Variants in RBPJ observed in about 807,000 individuals in gnomAD.
RBPJ encodes the protein recombining binding protein suppressor of hairless.
Under a neutral mutation model 67.8 loss-of-function variants are expected in RBPJ, and 9 were observed. The observed-to-expected ratio is 0.13, with a 90% CI of 0.08 to 0.23. The LOEUF (loss-of-function observed/expected upper bound fraction) is 0.23. RBPJ is among the 10% of genes least tolerant of loss of function. RBPJ has a pLI of 1.00. For synonymous variants in RBPJ, 198 were observed against 203.3 expected (o/e 0.97, Z 0.22); for missense variants, 305 against 595.6 (o/e 0.51, Z 5.08).
intron 2 of RBPJ, among the ~76,000 whole-genome samples, chr4:26,386,943 T>G (rs1392634462): frequency 6.6e-6 from 1 of 152,152 alleles, no homozygotes; most frequent in African/African-American, 2.4e-5. Context: ...CTAGAGTCAG[T>G]GCAAACCTTG....
intron 2 of RBPJ, among the ~76,000 whole-genome samples, chr4:26,389,560 A>G (rs1731284263): frequency 7.5e-6 from 1 of 133,602 alleles, no homozygotes; most frequent in Non-Finnish European, 1.6e-5. Context: ...AAGCAGAAGG[A>G]TGATCATACT....
At chr4:26,269,533 G>A (rs1409550826) in intron 1 of RBPJ, among the ~76,000 whole-genome samples, 4 of 152,134 alleles carry the variant, frequency 2.6e-5, no homozygotes, top group Non-Finnish European at 4.4e-5. Flanking sequence ...TGGGATTAAA[G>A]GTGTGAGCCA....
In RBPJ at chr4:26,187,723, A is replaced by G. The variant is rs147892661; in HGVS notation, c.-167+24109A>G. 2.8e-3 allele frequency among the ~76,000 whole-genome samples: 428 copies of G among 152,264 alleles called. 1 individual carries two copies. The highest frequency in any genetic ancestry group is 1.0e-2 in the African/African-American group (414 of 41,544). Reference sequence around the variant, plus strand: ...GTGAACACTGAGAATTTTCCTTCCTATAAATTAGTAGATGGGGGCTGGGCA... The same window carrying G: ...GTGAACACTGAGAATTTTCCTTCCTGTAAATTAGTAGATGGGGGCTGGGCA... On this transcript the variant is annotated intron_variant, in intron 1 of 4. Transcript: ENST00000512351.
In RBPJ at chr4:26,309,714, G is replaced by A. The variant is rs552164035; in HGVS notation, c.-166-52732G>A. ...CTGCAATATATGATGCATGACAAAC[G>A]GGCAAAGTTTAGGAAATAAAAATTT... On this transcript the variant is annotated intron_variant, in intron 1 of 4. Transcript: ENST00000512351. Among the ~76,000 whole-genome samples, 15 of 152,124 alleles carry A rather than the reference G, an allele frequency of 9.9e-5. No individual in the cohort carries two copies. In the South Asian group the frequency reaches 2.3e-3, roughly 23 times the overall value.
At chr4:26,325,876 A>G (rs1723577547) in intron 1 of RBPJ, among the ~76,000 whole-genome samples, 2 of 152,206 alleles carry the variant, frequency 1.3e-5, no homozygotes, top group African/African-American at 4.8e-5. Flanking sequence ...GATCTACCAG[A>G]CTACAGTTGG....
intron 1 of RBPJ, among the ~76,000 whole-genome samples, chr4:26,251,321 C>T (rs1261971379): frequency 2.6e-5 from 4 of 152,056 alleles, no homozygotes; most frequent in African/African-American, 4.8e-5. Context: ...ACTGGACCAG[C>T]ACAGTAGCAA....
chr4:26,422,730 T>A (rs998248652), intron 5 of RBPJ, among the ~76,000 whole-genome samples: 4 of 152,210 alleles, frequency 2.6e-5, no homozygotes, highest in African/African-American at 4.8e-5. Flanking sequence ...AGTTGCACCA[T>A]ACAGTGAAAC....
At chr4:26,384,210 ATCT>A in intron 1 of RBPJ, among the ~76,000 whole-genome samples, 1 of 152,216 alleles carries the variant, frequency 6.6e-6, no homozygotes, top group Non-Finnish European at 1.5e-5. Flanking sequence ...CTAATTATAC[ATCT>A]TCTTTCAAAA....
chr4:26,313,602 G>A (rs371541598), intron 1 of RBPJ, among the ~76,000 whole-genome samples: 66 of 152,024 alleles, frequency 4.3e-4, no homozygotes, highest in African/African-American at 1.1e-3. Flanking sequence ...CCCAGGAGAC[G>A]GAACTTGCAG....
chr4:26,349,072 T>TTGTGTG (rs752007042), intron 1 of RBPJ, among the ~76,000 whole-genome samples: 2 of 136,758 alleles, frequency 1.5e-5, no homozygotes, highest in African/African-American at 5.2e-5. Flanking sequence ...CATCACAAGT[T>TTGTGTG]TGTGTGTGTG....
chr4:26,290,989 A>T (rs1405166496), intron 1 of RBPJ, among the ~76,000 whole-genome samples: 1 of 151,088 alleles, frequency 6.6e-6, no homozygotes, highest in Admixed American at 6.6e-5. Flanking sequence ...ATTCCCCTTG[A>T]ATGCTGTTTA....
chr4:26,393,856 T>C (rs2109676355), intron 2 of RBPJ, among the ~76,000 whole-genome samples: 1 of 152,260 alleles, frequency 6.6e-6, no homozygotes, highest in South Asian at 2.1e-4. Flanking sequence ...AAAAAATCTT[T>C]GAAACACTAT....
At chr4:26,306,281 G>A (rs1309876155) in intron 1 of RBPJ, among the ~76,000 whole-genome samples, 2 of 151,978 alleles carry the variant, frequency 1.3e-5, no homozygotes, top group South Asian at 2.1e-4. Context: ...TCATTCTTAC[G>A]ATGTTGGCTG....
chr4:26,129,976 C>T, the RBPJ span, among the ~76,000 whole-genome samples: 1 of 152,162 alleles, frequency 6.6e-6, no homozygotes. Context: ...ATTCTCCTGC[C>T]TCAGCCTTCT....
At chr4:26,399,153 A>G (rs1276482561) in intron 2 of RBPJ, among the ~76,000 whole-genome samples, 3 of 152,156 alleles carry the variant, frequency 2.0e-5, no homozygotes, top group Non-Finnish European at 4.4e-5. Context: ...AGCATGACTT[A>G]CGTTCATTGC....
chr4:26,414,270 G>C (rs1734335623), intron 3 of RBPJ, among the ~76,000 whole-genome samples: 1 of 152,006 alleles, frequency 6.6e-6, no homozygotes, highest in Admixed American at 6.6e-5. Flanking sequence ...CCCAGGCTTA[G>C]TTGGTCCTCC....
intron 1 of RBPJ, among the ~76,000 whole-genome samples, chr4:26,360,751 T>C (rs1176918941): frequency 2.0e-5 from 3 of 151,578 alleles, no homozygotes; most frequent in African/African-American, 7.3e-5. Flanking sequence ...CCAGCTAATG[T>C]TTGGGTTTTT....
chr4:26,249,650 G>A (rs898353783), intron 1 of RBPJ, among the ~76,000 whole-genome samples: 70 of 151,980 alleles, frequency 4.6e-4, no homozygotes, highest in Non-Finnish European at 3.8e-4. Context: ...GACAGAGTGC[G>A]ACTCTGTCAC....
At chr4:26,359,412 CA>C (rs1420091461) in intron 1 of RBPJ, among the ~76,000 whole-genome samples, 4 of 88,940 alleles carry the variant, frequency 4.5e-5, no homozygotes, top group Non-Finnish European at 7.1e-5. Context: ...ATAACACCTT[CA>C]TTTTTTTTTT....
Sources: allele counts gnomAD v4.1 joint callset (sites outside exome capture counted in the v4.1 genomes callset), GRCh38; gene constraint gnomAD v4.1.1; transcripts MANE v1.5; gene names NCBI Gene and HGNC (gene_info 2026-07-23, HGNC 2026-07-21).